DRICH1: variants seen among roughly 807,000 people sequenced by gnomAD.
DRICH1 encodes the protein aspartate-rich protein 1.
Under a neutral mutation model 39.5 loss-of-function variants are expected in DRICH1, and 38 were observed. The observed-to-expected ratio is 0.96, with a 90% CI of 0.74 to 1.26. The LOEUF (loss-of-function observed/expected upper bound fraction) is 1.26, where lower values mean the gene tolerates loss of function less well. DRICH1 is among the 50% of genes most tolerant of loss of function. The pLI, the probability that DRICH1 is intolerant of heterozygous loss-of-function variation, is 0.00. For missense variants in DRICH1, 279 were observed against 270.4 expected (o/e 1.03, Z -0.22); for synonymous variants, 84 against 99.5 (o/e 0.84, Z 0.93).
At chr22:23,622,597 T>C (rs577996208) in intron 3 of DRICH1, among the ~76,000 whole-genome samples, 2 of 151,284 alleles carry the variant, frequency 1.3e-5, no homozygotes, top group Admixed American at 6.6e-5. Context: ...TATTACTTAA[T>C]TAAAAGTCTA....
rs1339793939 is a variant in DRICH1 at position 23,612,702 on chromosome 22, C to T, written c.685+587G>A. Among the ~76,000 whole-genome samples, 5 of 152,182 alleles carry T rather than the reference C, an allele frequency of 3.3e-5. No homozygotes were observed. In the South Asian group the frequency reaches 6.2e-4, roughly 19 times the overall value. Reference sequence around the variant, plus strand: ...AAAGTGCTCAAGGTCAAACTTTTCTCCTCCCCTCAAAGGAGACTGGAGTTT... The same window carrying T: ...AAAGTGCTCAAGGTCAAACTTTTCTTCTCCCCTCAAAGGAGACTGGAGTTT... On this transcript the variant is annotated intron_variant, in intron 11 of 11. Coordinates refer to ENST00000317749, the MANE Select transcript of DRICH1 (RefSeq NM_016449.4).
the DRICH1 span, among the ~76,000 whole-genome samples, chr22:23,591,017 G>A: frequency 1.4e-4 from 22 of 152,152 alleles, no homozygotes; most frequent in Admixed American, 1.3e-3. Flanking sequence ...GCTCTGCTCC[G>A]TGGATGGCAT....
At chr22:23,597,054 T>C in the DRICH1 span, among the ~76,000 whole-genome samples, 1 of 149,588 alleles carries the variant, frequency 6.7e-6, no homozygotes, top group South Asian at 2.2e-4. Flanking sequence ...AATTGTTACA[T>C]CTTCTTGATG....
intron 11 of DRICH1, 152 bp from the exon 12 acceptor site, chr22:23,608,920 C>G: frequency 1.2e-6 from 1 of 826,802 alleles, no homozygotes; most frequent in South Asian, 1.5e-5. Flanking sequence ...GGAAACTCAT[C>G]AGCCAGGGAC....
the DRICH1 span, among the ~76,000 whole-genome samples, chr22:23,591,519 G>C: frequency 1.3e-5 from 2 of 152,108 alleles, no homozygotes; most frequent in African/African-American, 4.8e-5. Flanking sequence ...TTGAGACCTT[G>C]AACTACTCCA....
chr22:23,619,081 A>C (rs1488372954), intron 6 of DRICH1, among the ~76,000 whole-genome samples: 1 of 151,278 alleles, frequency 6.6e-6, no homozygotes, highest in Non-Finnish European at 1.5e-5. Flanking sequence ...ATAAGGCAGG[A>C]GAATCAGTTC....
the DRICH1 span, among the ~76,000 whole-genome samples, chr22:23,591,702 G>GA: frequency 6.6e-6 from 1 of 152,316 alleles, no homozygotes; most frequent in East Asian, 1.9e-4. Flanking sequence ...TGGGCTCAGG[G>GA]AAAATCACAG....
At chr22:23,622,788 AT>A (rs1927833969) in intron 3 of DRICH1, among the ~76,000 whole-genome samples, 1 of 152,078 alleles carries the variant, frequency 6.6e-6, no homozygotes, top group Non-Finnish European at 1.5e-5. Context: ...GGCCCCTGTA[AT>A]CAAGGGCTTC....
At chr22:23,582,950 G>A in the DRICH1 span, among the ~76,000 whole-genome samples, 1 of 152,206 alleles carries the variant, frequency 6.6e-6, no homozygotes, top group East Asian at 1.9e-4. Context: ...AATCCTTGAT[G>A]ATACTGAGCT....
chr22:23,631,952 A>G lies in DRICH1; in HGVS notation c.72T>C (p.Tyr24=), dbSNP rs376898674. 10 of 1,613,700 alleles carry G rather than the reference A, an allele frequency of 6.2e-6. No homozygotes were observed. The African/African-American group carries it at 1.1e-4, about 17-fold the overall frequency. The part of the protein sequence containing the change: ...GWPRGKDAPC[Y]ESDTDIYETV... ...TCTCATAAATATCAGTATCAGATTC[A>G]TAACAGGGTGCGTCCTTCCCCCTGG... Residue 24 remains tyrosine, a synonymous_variant, in exon 1 of 12, where the codon TAT becomes TAC. Coordinates refer to ENST00000317749, the MANE Select transcript of DRICH1 (RefSeq NM_016449.4).
chr22:23,622,072 C>T lies in DRICH1; in HGVS notation c.384+19G>A, dbSNP rs190048384. Reference sequence around the variant, plus strand: ...AGAAAACCAACATTTCCTTAGAAGACAAAGAAAGATTGTCTTACCTGGGCA... The same window carrying T: ...AGAAAACCAACATTTCCTTAGAAGATAAAGAAAGATTGTCTTACCTGGGCA... On this transcript the variant is annotated intron_variant, in intron 4 of 11. Coordinates refer to ENST00000317749, the MANE Select transcript of DRICH1 (RefSeq NM_016449.4). 6.2e-7 allele frequency: 1 copy of T among 1,611,716 alleles called. No individual in the cohort carries two copies. The highest frequency in any genetic ancestry group is 2.2e-5 in the East Asian group (1 of 44,824).
At chr22:23,620,994 A>G (rs1312723550) in intron 4 of DRICH1, among the ~76,000 whole-genome samples, 1 of 152,200 alleles carries the variant, frequency 6.6e-6, no homozygotes, top group Non-Finnish European at 1.5e-5. Flanking sequence ...GCTGAACTCC[A>G]TCCTCACAGA....
chr22:23,615,179 G>T (rs1405373901), intron 8 of DRICH1, among the ~76,000 whole-genome samples: 1 of 152,148 alleles, frequency 6.6e-6, no homozygotes, highest in Non-Finnish European at 1.5e-5. Flanking sequence ...TTCATGACCA[G>T]CCTGGCCAAC....
chr22:23,586,990 C>T, the DRICH1 span, among the ~76,000 whole-genome samples: 1 of 152,198 alleles, frequency 6.6e-6, no homozygotes, highest in African/African-American at 2.4e-5. Context: ...CATCTGTTTA[C>T]TTTCATAGCC....
chr22:23,583,345 C>T, the DRICH1 span: 1 of 152,138 alleles, frequency 6.6e-6, no homozygotes, highest in East Asian at 1.9e-4. Context: ...CGGGTGTGTC[C>T]CTGGGGGCAG....
downstream of DRICH1, among the ~76,000 whole-genome samples, chr22:23,604,295 C>A (rs1487850030): frequency 6.6e-6 from 1 of 152,152 alleles, no homozygotes. Flanking sequence ...CCGCCTGGAG[C>A]TTCTCGAGGC....
At chr22:23,604,071 C>T (rs775250605), downstream of DRICH1, among the ~76,000 whole-genome samples, 1 of 152,146 alleles carries the variant, frequency 6.6e-6, no homozygotes, top group Non-Finnish European at 1.5e-5. Flanking sequence ...GCCTGGGTCA[C>T]CACAACACCC....
At chr22:23,607,542 G>GC (rs1054537880), downstream of DRICH1, among the ~76,000 whole-genome samples, 3 of 151,434 alleles carry the variant, frequency 2.0e-5, no homozygotes, top group South Asian at 2.1e-4. Flanking sequence ...CGGGGGCGGG[G>GC]GGGGGCCTCT....
intron 2 of DRICH1, 130 bp downstream of exon 2, chr22:23,625,851 C>T (rs1349719433): frequency 1.4e-6 from 1 of 718,342 alleles, no homozygotes; most frequent in African/African-American, 1.8e-5. Flanking sequence ...TCTTGCAAGA[C>T]CATCATTAAA....
Sources: gnomAD v4.1 joint callset for allele counts (sites outside exome capture counted in the v4.1 genomes callset) on GRCh38, gnomAD v4.1.1 for gene constraint, MANE v1.5 for transcripts, NCBI Gene and HGNC (gene_info 2026-07-23, HGNC 2026-07-21) for gene names.